NARF: variants seen among roughly 807,000 people sequenced by gnomAD.
NARF encodes iron-only hydrogenase-like protein 2.
NARF carries 41 observed loss-of-function variants against 48.0 expected under a neutral mutation model. The observed-to-expected ratio is 0.85, with a 90% CI of 0.66 to 1.11. The LOEUF (loss-of-function observed/expected upper bound fraction) is 1.11. Among genes scored for constraint, NARF ranks in the 50% least tolerant of loss-of-function variants. The probability of loss-of-function intolerance (pLI) is 0.00; values close to 1 mark genes in which losing one functional copy is unlikely to be tolerated. For missense variants in NARF, 613 were observed against 590.2 expected (o/e 1.04, Z -0.40); for synonymous variants, 215 against 225.5 (o/e 0.95, Z 0.42).
intron 3 of NARF, among the ~76,000 whole-genome samples, chr17:82,467,561 C>T (rs77207886): frequency 6.6e-6 from 1 of 152,124 alleles, no homozygotes; most frequent in Non-Finnish European, 1.5e-5. Context: ...AATCTCAGCT[C>T]ACTGCAACCT....
At chr17:82,464,857 A>G (rs2043525840) in intron 3 of NARF, among the ~76,000 whole-genome samples, 1 of 152,210 alleles carries the variant, frequency 6.6e-6, no homozygotes, top group South Asian at 2.1e-4. Context: ...CAAGGAAGTA[A>G]AAATTCCCAA....
intron 6 of NARF, chr17:82,479,926 ATG>A (rs2043921644): frequency 1.3e-5 from 2 of 152,794 alleles, no homozygotes. Flanking sequence ...GAAGAGAGCC[ATG>A]TGTTTCTAGG....
intron 10 of NARF, 111 bp downstream of exon 10, chr17:82,485,765 C>T: frequency 1.6e-6 from 2 of 1,262,606 alleles, no homozygotes; most frequent in Non-Finnish European, 2.2e-6. Flanking sequence ...CCTCTCTCAG[C>T]CCTGAGAGCT....
At position 82,488,093 on chromosome 17, in the gene NARF, A is replaced by G. The variant is rs2044138396; in HGVS notation, c.1307A>G (p.Glu436Gly). ...LEGINSPKAR[E>G]VLHTTYQSQE... Reference sequence around the variant, plus strand: ...GGGATCAACTCCCCCAAGGCCCGAGAGGTGCTGCATACCACGTACCAGAGC... The same window carrying G: ...GGGATCAACTCCCCCAAGGCCCGAGGGGTGCTGCATACCACGTACCAGAGC... Residue 436 changes from glutamate to glycine, a missense_variant, in exon 11 of 11, where the codon GAG (glutamate) becomes GGG (glycine). Transcript: ENST00000309794. 6.2e-7 allele frequency: 1 copy of G among 1,614,028 alleles called. No individual in the cohort carries two copies. Among genetic ancestry groups the G allele is most frequent in the Non-Finnish European group, 8.5e-7 (1 of 1,180,026 alleles).
chr17:82,467,237 G>A (rs1178099552), intron 3 of NARF, among the ~76,000 whole-genome samples: 2 of 151,300 alleles, frequency 1.3e-5, no homozygotes, highest in Non-Finnish European at 2.9e-5. Context: ...AGTAGAGATG[G>A]GGTTTCTCCC....
upstream of NARF, chr17:82,458,732 G>A (rs2043346978): frequency 2.1e-6 from 3 of 1,453,764 alleles, no homozygotes; most frequent in South Asian, 1.4e-5. Context: ...GCGGGCGGCG[G>A]GCAGTGGTGT....
At chr17:82,482,225 A>G (rs567666656) in intron 7 of NARF, 4 of 429,812 alleles carry the variant, frequency 9.3e-6, no homozygotes, top group South Asian at 1.6e-5. Flanking sequence ...AAGGGCGCCA[A>G]TGTCCCTCAC....
At chr17:82,484,006 T>G (rs1416441993) in intron 8 of NARF, 1 of 536,896 alleles carries the variant, frequency 1.9e-6, no homozygotes, top group East Asian at 3.2e-5. Context: ...GCTTCCATGG[T>G]GTGATTGCCA....
chr17:82,465,531 T>C (rs2043544620), intron 3 of NARF, among the ~76,000 whole-genome samples: 1 of 152,052 alleles, frequency 6.6e-6, no homozygotes, highest in Non-Finnish European at 1.5e-5. Context: ...GCGTTTGCCA[T>C]TCACCCCCAT....
chr17:82,467,785 T>C (rs2143853505), intron 3 of NARF, among the ~76,000 whole-genome samples: 1 of 152,316 alleles, frequency 6.6e-6, no homozygotes, highest in East Asian at 1.9e-4. Flanking sequence ...ATTACAGGTA[T>C]GAGCCACCAT....
At chr17:82,464,254 T>C (rs200895968) in intron 2 of NARF, 33 bp from the exon 3 acceptor site, 236 of 1,605,444 alleles carry the variant, frequency 1.5e-4, no homozygotes, top group Non-Finnish European at 1.9e-4. Flanking sequence ...GAGTATTTGT[T>C]GAATAATCAT....
At chr17:82,473,543 G>A (rs565644463) in intron 5 of NARF, among the ~76,000 whole-genome samples, 54 of 150,888 alleles carry the variant, frequency 3.6e-4, no homozygotes, top group African/African-American at 1.2e-3. Flanking sequence ...AGTAGAGACG[G>A]GGTTTCACCG....
Position 82,468,789 on chromosome 17 carries a change from T to A in NARF, c.278T>A (p.Val93Glu). The A allele has an allele frequency of 6.2e-7, 1 of 1,614,110 alleles. No homozygotes were observed. The highest frequency in any genetic ancestry group is 8.5e-7 in the Non-Finnish European group (1 of 1,179,970). Residue 93 changes from valine to glutamate, a missense_variant, in exon 4 of 11, where the codon GTG (valine) becomes GAG (glutamate). Physicochemically the swap from Val to Glu is moderately radical, Grantham distance 121 (BLOSUM62 -2). Coordinates refer to ENST00000309794, the MANE Select transcript of NARF (RefSeq NM_012336.4). Reference sequence around the variant, plus strand: ...AAATGTGATACCTCAAAGCACAAAGTGCTGGTAGTGTCTGTGTGTCCTCAA... The same window carrying A: ...AAATGTGATACCTCAAAGCACAAAGAGCTGGTAGTGTCTGTGTGTCCTCAA... Reference protein sequence around the residue: ...NKKCDTSKHKVLVVSVCPQSL... With the variant: ...NKKCDTSKHKELVVSVCPQSL...
At position 82,484,896 on chromosome 17, in the gene NARF, C is replaced by G. The variant is rs535157305; in HGVS notation, c.917C>G (p.Ala306Gly). The part of the protein sequence containing the change: ...DGHLAHIFRH[A>G]AKELFNEDVE... ...CACCTGGCACACATCTTCAGACATG[C>G]GGCCAAGGAGCTGTTCAACGAGGAT... The change falls in exon 9 of 11, where the codon GCG (alanine) becomes GGG (glycine). Residue 306 changes from alanine (A) to glycine (G), a missense_variant. Coordinates refer to ENST00000309794, the MANE Select transcript of NARF (RefSeq NM_012336.4). 6.2e-7 allele frequency: 1 copy of G among 1,613,204 alleles called. No homozygotes were observed. Among genetic ancestry groups the G allele is most frequent in the South Asian group, 1.1e-5 (1 of 90,978 alleles).
At chr17:82,474,295 A>G (rs539849491) in intron 5 of NARF, among the ~76,000 whole-genome samples, 33 of 152,358 alleles carry the variant, frequency 2.2e-4, no homozygotes, top group African/African-American at 7.7e-4. Flanking sequence ...AATACAGAAT[A>G]AGAAAATTTC....
chr17:82,478,913 C>G lies in NARF; in HGVS notation c.634C>G (p.Gln212Glu), dbSNP rs1271690570. 6.2e-7 allele frequency: 1 copy of G among 1,613,332 alleles called. No individual in the cohort carries two copies. Among genetic ancestry groups the G allele is most frequent in the Non-Finnish European group, 8.5e-7 (1 of 1,179,682 alleles). The change falls in exon 6 of 11, where the codon CAG becomes GAG. Residue 212 changes from glutamine to glutamate, a missense_variant. By Grantham distance (29) the Gln-to-Glu change is conservative (BLOSUM62 2). Coordinates refer to ENST00000309794, the MANE Select transcript of NARF (RefSeq NM_012336.4). ...GSLVKDYFAR[Q>E]QNLSPEKIFH... ...TTTGGTGAAGGATTATTTCGCCAGA[C>G]AGCAGGTAAGCTGACCTCTCTGGAG...
intron 5 of NARF, chr17:82,478,477 G>A: frequency 2.2e-6 from 1 of 447,536 alleles, no homozygotes. Flanking sequence ...GGTGCAGCCT[G>A]GGCCGCTGCT....
rs1287989027 is a variant in NARF at position 82,485,608 on chromosome 17, G to A, written c.1083G>A (p.Lys361=). 2 of 1,614,068 alleles carry A rather than the reference G, an allele frequency of 1.2e-6. No individual in the cohort carries two copies. The highest frequency in any genetic ancestry group is 2.7e-5 in the African/African-American group (2 of 74,926). ...NIQNMILKLK[K]GKFPFHFVEV... ...AGAACATGATCCTGAAGCTTAAGAAGGGCAAGTTCCCATTCCACTTTGTGG... is the reference window on the plus strand; with the variant it reads ...AGAACATGATCCTGAAGCTTAAGAAAGGCAAGTTCCCATTCCACTTTGTGG... Residue 361 remains lysine, a synonymous_variant, in exon 10 of 11, where the codon AAG becomes AAA. Coordinates refer to ENST00000309794, the MANE Select transcript of NARF (RefSeq NM_012336.4).
intron 2 of NARF, chr17:82,464,058 G>T: frequency 2.0e-6 from 1 of 493,410 alleles, no homozygotes. Flanking sequence ...TCATCTGCAT[G>T]GTTCCCTAGT....
Sources: gnomAD v4.1 joint callset for allele counts (sites outside exome capture counted in the v4.1 genomes callset) on GRCh38, gnomAD v4.1.1 for gene constraint, MANE v1.5 for transcripts, NCBI Gene and HGNC (gene_info 2026-07-23, HGNC 2026-07-21) for gene names.